The following SMG1 variants were observed in gnomAD, a reference collection of about 807,000 sequenced individuals.
SMG1 encodes SMG1 nonsense mediated mRNA decay associated PI3K related kinase, also known as serine/threonine-protein kinase SMG1.
A neutral mutation model predicts 419.9 loss-of-function variants in SMG1; 22 were observed. The observed-to-expected ratio is 0.05, with a 90% confidence interval of 0.04 to 0.07. The LOEUF (loss-of-function observed/expected upper bound fraction) is 0.07. Among genes scored for constraint, SMG1 ranks in the 10% least tolerant of loss-of-function variants. SMG1 has a pLI of 1.00. For synonymous variants in SMG1, 1,538 were observed against 1,553.5 expected (o/e 0.99, Z 0.23); for missense variants, 3,185 against 4,342.0 (o/e 0.73, Z 7.49).
chr16:18,854,700 C>T lies in SMG1; in HGVS notation c.4439G>A (p.Gly1480Glu). The T allele has an allele frequency of 1.2e-6, 2 of 1,613,788 alleles. No individual in the cohort carries two copies. Among genetic ancestry groups the T allele is most frequent in the Non-Finnish European group, 1.7e-6 (2 of 1,179,846 alleles). Residue 1480 changes from glycine (G) to glutamate (E), a missense_variant, in exon 30 of 63, where the codon GGG (glycine) becomes GAG (glutamate). Gly to Glu is a moderately conservative substitution (Grantham distance 98). Coordinates refer to ENST00000446231, the MANE Select transcript of SMG1 (RefSeq NM_015092.5). The part of the protein sequence containing the change: ...STQGQVDEKW[G>E]PELDIEKTKL... ...GGTTTTTTCAATATCAAGTTCGGGCCCCCATTTTTCATCCACTTGACCTTG... is the reference window on the plus strand; with the variant it reads ...GGTTTTTTCAATATCAAGTTCGGGCTCCCATTTTTCATCCACTTGACCTTG...
At chr16:18,882,762 G>A (rs1037051576) in intron 9 of SMG1, among the ~76,000 whole-genome samples, 2 of 152,292 alleles carry the variant, frequency 1.3e-5, no homozygotes, top group African/African-American at 4.8e-5. Context: ...TGCACATGAA[G>A]AGCAAAGGGA....
intron 39 of SMG1, among the ~76,000 whole-genome samples, chr16:18,843,706 A>T (rs2034058515): frequency 6.6e-6 from 1 of 152,246 alleles, no homozygotes; most frequent in African/African-American, 2.4e-5. Flanking sequence ...AGACGTACAC[A>T]CAATATGATC....
chr16:18,841,435 C>A (rs1000975429), intron 41 of SMG1, 130 bp downstream of exon 41: 2 of 679,376 alleles, frequency 2.9e-6, no homozygotes, highest in Non-Finnish European at 4.9e-6. Context: ...CAAAAATACT[C>A]TCCTAGGGAC....
At chr16:18,866,428 T>G (rs2035509820) in intron 23 of SMG1, 193 bp downstream of exon 23, 1 of 612,182 alleles carries the variant, frequency 1.6e-6, no homozygotes, top group Non-Finnish European at 2.9e-6. Context: ...AATTCTTCAG[T>G]AAGAAAGGCA....
intron 61 of SMG1, 34 bp from the exon 62 acceptor site, chr16:18,811,901 C>G (rs371718017): frequency 4.3e-6 from 7 of 1,612,736 alleles, no homozygotes; most frequent in Non-Finnish European, 5.9e-6. Flanking sequence ...TAAGTCAAAC[C>G]GTCATTTTAT....
At position 18,863,866 on chromosome 16, in the gene SMG1, T is replaced by C. The variant is rs778069482; in HGVS notation, c.3494-15A>G. 14 of 1,587,250 alleles carry C rather than the reference T, an allele frequency of 8.8e-6. No individual in the cohort carries two copies. Among genetic ancestry groups the C allele is most frequent in the Non-Finnish European group, 1.2e-5 (14 of 1,160,420 alleles). On this transcript the variant is annotated splice_polypyrimidine_tract_variant and intron_variant, in intron 24 of 62. Coordinates refer to ENST00000446231, the MANE Select transcript of SMG1 (RefSeq NM_015092.5). Reference sequence around the variant, plus strand: ...TCTGGATTCACCTGAAAGTATTTTATAAAATAAGAAGAGAGAGATTCAGAT... The same window carrying C: ...TCTGGATTCACCTGAAAGTATTTTACAAAATAAGAAGAGAGAGATTCAGAT...
chr16:18,837,567 G>T (rs970879869), intron 45 of SMG1, 124 bp from the exon 46 acceptor site: 1 of 763,440 alleles, frequency 1.3e-6, no homozygotes, highest in Non-Finnish European at 2.1e-6. Flanking sequence ...GTGATGCGTT[G>T]CCTCCACTGT....
chr16:18,925,967 C>T lies in SMG1; in HGVS notation c.75G>A (p.Trp25Ter). The T allele has an allele frequency of 6.4e-7, 1 of 1,572,422 alleles. No homozygotes were observed. Residue 25 changes from tryptophan to a stop codon, truncating the protein, a stop_gained, in exon 1 of 63, where the codon TGG becomes TGA. Transcript: ENST00000446231. LOFTEE classifies it high-confidence loss of function. ...TCACCCACCTGGGTTGCCAGTCATT[C>T]CAGCTCCGCGGATACTTGGTGCCGC... Reference protein sequence around the residue: ...GGGGTKYPRSWNDWQPRTDSA... With the variant: ...GGGGTKYPRS
chr16:18,860,292 C>G (rs2035147121), intron 26 of SMG1, among the ~76,000 whole-genome samples: 1 of 152,174 alleles, frequency 6.6e-6, no homozygotes, highest in Admixed American at 6.5e-5. Flanking sequence ...AAATCTTGCT[C>G]AATCCAGAAT....
chr16:18,848,356 T>C (rs2141360790), intron 36 of SMG1, among the ~76,000 whole-genome samples: 1 of 151,488 alleles, frequency 6.6e-6, no homozygotes, highest in South Asian at 2.1e-4. Flanking sequence ...CTAGCTCTGT[T>C]GCCCAGGTTG....
intron 51 of SMG1, among the ~76,000 whole-genome samples, chr16:18,830,876 T>TA (rs779812701): frequency 2.6e-5 from 4 of 152,240 alleles, no homozygotes; most frequent in Non-Finnish European, 5.9e-5. Context: ...AATTCGTTAT[T>TA]AATGACTGTT....
At chr16:18,850,525 G>A in intron 33 of SMG1, 58 bp from the exon 34 acceptor site, 1 of 1,223,710 alleles carries the variant, frequency 8.2e-7, no homozygotes, top group South Asian at 1.3e-5. Context: ...AGGGAAAAAG[G>A]TATGTAATTT....
intron 11 of SMG1, chr16:18,879,037 T>A (rs2036269826): frequency 4.9e-6 from 1 of 203,576 alleles, no homozygotes; most frequent in African/African-American, 2.4e-5. Flanking sequence ...AAAATAAAAG[T>A]AAATAGACAC....
chr16:18,815,931 A>C (rs1381201332), intron 58 of SMG1: 8 of 466,186 alleles, frequency 1.7e-5, no homozygotes, highest in Non-Finnish European at 3.0e-5. Context: ...ACAACACTGG[A>C]GGGAAGAGAC....
intron 13 of SMG1, among the ~76,000 whole-genome samples, chr16:18,873,778 A>G (rs1366063068): frequency 6.6e-6 from 1 of 152,106 alleles, no homozygotes; most frequent in Non-Finnish European, 1.5e-5. Flanking sequence ...TAAGGAAACA[A>G]AGGCACACCC....
intron 6 of SMG1, among the ~76,000 whole-genome samples, chr16:18,887,643 C>T (rs2036676167): frequency 7.8e-6 from 1 of 127,898 alleles, no homozygotes; most frequent in South Asian, 2.6e-4. Flanking sequence ...AGTGAGCCAC[C>T]ATGCCCAGTT....
intron 1 of SMG1, among the ~76,000 whole-genome samples, chr16:18,902,676 C>T (rs1002550370): frequency 2.0e-5 from 3 of 150,244 alleles, no homozygotes; most frequent in Non-Finnish European, 4.4e-5. Flanking sequence ...ACTGCACTCT[C>T]GCCTGGGTGA....
chr16:18,832,896 C>A (rs1280725798), intron 51 of SMG1, 44 bp downstream of exon 51: 1 of 1,522,348 alleles, frequency 6.6e-7, no homozygotes, highest in South Asian at 1.1e-5. Flanking sequence ...CTCTGGCTGT[C>A]CCATCTCTTT....
chr16:18,839,025 G>T (rs1239609079), intron 42 of SMG1, among the ~76,000 whole-genome samples: 1 of 151,842 alleles, frequency 6.6e-6, no homozygotes, highest in Non-Finnish European at 1.5e-5. Context: ...GTTGAAACGG[G>T]GTTCAGTGTT....
Sources: gnomAD v4.1 joint callset for allele counts (sites outside exome capture counted in the v4.1 genomes callset) on GRCh38, gnomAD v4.1.1 for gene constraint, MANE v1.5 for transcripts, NCBI Gene and HGNC (gene_info 2026-07-23, HGNC 2026-07-21) for gene names.